The following IPP variants were observed in gnomAD, a reference collection of about 807,000 sequenced individuals.
IPP encodes the protein intracisternal A particle-promoted polypeptide, also known as actin-binding protein IPP.
IPP carries 41 observed loss-of-function variants against 64.1 expected under a neutral mutation model. The ratio of observed to expected loss-of-function variants is 0.64; its 90% CI spans 0.50 to 0.83. The LOEUF (loss-of-function observed/expected upper bound fraction) is 0.83, where lower values mean the gene tolerates loss of function less well. Among genes scored for constraint, IPP ranks in the 40% least tolerant of loss-of-function variants. IPP has a pLI of 0.00. For synonymous variants in IPP, 214 were observed against 235.2 expected (o/e 0.91, Z 0.83); for missense variants, 649 against 703.0 (o/e 0.92, Z 0.87).
chr1:45,727,884 A>C, intron 4 of IPP, 86 bp from the exon 5 acceptor site: 2 of 995,172 alleles, frequency 2.0e-6, no homozygotes, highest in Non-Finnish European at 2.8e-6. Flanking sequence ...CAAGAAATAA[A>C]TGGTTTAGAA....
Position 45,699,012 on chromosome 1 carries a change from C to G in IPP, c.*954G>C, listed in dbSNP as rs758446643. ...AAAGTGCTGGGATTACAGGTGTGAGCCACCATGCCCAGCCTAAAAAAGGGA... is the reference window on the plus strand; with the variant it reads ...AAAGTGCTGGGATTACAGGTGTGAGGCACCATGCCCAGCCTAAAAAAGGGA... On this transcript the variant is annotated 3_prime_UTR_variant, in exon 9 of 9. Coordinates refer to ENST00000396478, the MANE Select transcript of IPP (RefSeq NM_005897.3). 152 of 983,788 alleles carry G rather than the reference C, an allele frequency of 1.5e-4. No homozygotes were observed. Among genetic ancestry groups the G allele is most frequent in the Non-Finnish European group, 1.7e-4 (145 of 828,636 alleles). 60.9% of individuals were successfully genotyped at this position (983,788 alleles called of 1,614,324 possible).
At chr1:45,744,420 G>A (rs988870441) in intron 2 of IPP, among the ~76,000 whole-genome samples, 1 of 151,896 alleles carries the variant, frequency 6.6e-6, no homozygotes, top group African/African-American at 2.4e-5. Context: ...GTCTCACTCT[G>A]TCTCCCAGTC....
intron 2 of IPP, among the ~76,000 whole-genome samples, chr1:45,743,452 G>A (rs932654649): frequency 6.6e-5 from 10 of 151,840 alleles, no homozygotes; most frequent in Admixed American, 3.3e-4. Context: ...TAGCATGTGC[G>A]CCTGTAGTCT....
chr1:45,718,898 A>G (rs571731648), intron 6 of IPP, among the ~76,000 whole-genome samples: 34 of 150,828 alleles, frequency 2.3e-4, no homozygotes, highest in Non-Finnish European at 4.1e-4. Flanking sequence ...ATGGTTAATG[A>G]ATACAAAAAA....
chr1:45,730,307 G>A (rs1243158167), intron 3 of IPP, among the ~76,000 whole-genome samples: 1 of 151,692 alleles, frequency 6.6e-6, no homozygotes, highest in African/African-American at 2.4e-5. Flanking sequence ...AAGCAGGATT[G>A]CACCACTGCA....
rs1453435459 is a variant in IPP at position 45,729,770 on chromosome 1, C to G, written c.725-1G>C. ...ACACGAAGATTAAAATCGGATACTC[C>G]TAAAACAATATTTAAAAAGACAATG... On this transcript the variant is annotated splice_acceptor_variant, in intron 3 of 8. Transcript: ENST00000396478. LOFTEE classifies it high-confidence loss of function. The G allele has an allele frequency of 7.9e-6, 12 of 1,514,226 alleles. No homozygotes were observed. Among genetic ancestry groups the G allele is most frequent in the Non-Finnish European group, 9.8e-6 (11 of 1,121,766 alleles). The allele number at this position is 1,514,226 out of a possible 1,614,324, so 93.8% of individuals were successfully genotyped here.
chr1:45,715,180 G>A (rs1250139604), intron 7 of IPP, among the ~76,000 whole-genome samples: 2 of 125,556 alleles, frequency 1.6e-5, no homozygotes, highest in African/African-American at 6.3e-5. Flanking sequence ...GGGCAACAGA[G>A]CCAGACCTTC....
At chr1:45,732,401 C>T (rs1645922812) in intron 3 of IPP, among the ~76,000 whole-genome samples, 2 of 145,234 alleles carry the variant, frequency 1.4e-5, no homozygotes. Context: ...AATGTAGGTC[C>T]TGCAAAACAA....
At position 45,719,146 on chromosome 1, in the gene IPP, GA is replaced by G. The variant is rs553599817; in HGVS notation, c.1186+56del. The G allele has an allele frequency of 3.8e-5, 59 of 1,560,352 alleles. No individual in the cohort carries two copies. The East Asian group carries it at 1.3e-3, about 35-fold the overall frequency. On this transcript the variant is annotated intron_variant, in intron 6 of 8. Coordinates refer to ENST00000396478, the MANE Select transcript of IPP (RefSeq NM_005897.3). Reference sequence around the variant, plus strand: ...ATACCTATTATGTATCCACAAAAATGAAAATTAAAAATACATAAACAATATT... The same window carrying G: ...ATACCTATTATGTATCCACAAAAATGAAATTAAAAATACATAAACAATATT...
chr1:45,707,378 G>A (rs1394622430), intron 8 of IPP, among the ~76,000 whole-genome samples: 8 of 142,470 alleles, frequency 5.6e-5, no homozygotes, highest in Admixed American at 1.5e-4. Flanking sequence ...AGCCAAGATC[G>A]CGCCACTGCA....
chr1:45,738,172 TCA>T (rs1646005401), intron 3 of IPP, among the ~76,000 whole-genome samples: 1 of 152,210 alleles, frequency 6.6e-6, no homozygotes, highest in South Asian at 2.1e-4. Context: ...TTGCAGTCAT[TCA>T]CAGACATGCA....
chr1:45,709,670 C>T (rs924530425), intron 8 of IPP, among the ~76,000 whole-genome samples: 3 of 130,606 alleles, frequency 2.3e-5, no homozygotes, highest in Non-Finnish European at 5.0e-5. Context: ...ACTAAAAATA[C>T]AAAAAAATTA....
At chr1:45,724,987 C>T (rs1276120165) in intron 5 of IPP, among the ~76,000 whole-genome samples, 1 of 142,612 alleles carries the variant, frequency 7.0e-6, no homozygotes, top group Non-Finnish European at 1.5e-5. Flanking sequence ...CCCCTCTGCC[C>T]GGCCAGTCGC....
rs772144040 is a variant in IPP at position 45,727,770 on chromosome 1, G to C, written c.909C>G (p.Arg303=). 7 of 1,569,766 alleles carry C rather than the reference G, an allele frequency of 4.5e-6. No individual in the cohort carries two copies. In the Admixed American group the frequency reaches 6.7e-5, roughly 15 times the overall value. The change falls in exon 5 of 9, where the codon CGC becomes CGG. Residue 303 remains arginine, a synonymous_variant. Transcript: ENST00000396478. The part of the protein sequence containing the change: ...VGGYTRLQGG[R]WSDSRALSCV... ...AGCTGAGGGCTCTGCTATCACTCCA[G>C]CGACCCCCCTGCAACCGAGTATATC...
In IPP at chr1:45,712,982, A is replaced by G. The variant is rs1645611000; in HGVS notation, c.1530+1264T>C. Among the ~76,000 whole-genome samples the G allele has an allele frequency of 2.0e-5, 3 of 151,960 alleles. No homozygotes were observed. In the South Asian group the frequency reaches 6.2e-4, roughly 32 times the overall value. ...TAAAAAATATTTTAATATAAATGCC[A>G]ACTAATTAAAAGGCAACATATCAAA... On this transcript the variant is annotated intron_variant, in intron 8 of 8. Transcript: ENST00000396478.
chr1:45,695,673 A>T (rs1557733740), downstream of IPP, among the ~76,000 whole-genome samples: 2 of 144,436 alleles, frequency 1.4e-5, no homozygotes, highest in Non-Finnish European at 3.1e-5. Context: ...ATAACCTGGA[A>T]TTTTTTTTTT....
At chr1:45,719,555 T>C (rs1645704169) in intron 5 of IPP, among the ~76,000 whole-genome samples, 1 of 152,168 alleles carries the variant, frequency 6.6e-6, no homozygotes, top group Non-Finnish European at 1.5e-5. Flanking sequence ...GAGGCACAAT[T>C]TTCCTATTAT....
intron 7 of IPP, among the ~76,000 whole-genome samples, chr1:45,715,310 C>A (rs1042119000): frequency 2.6e-5 from 4 of 151,856 alleles, no homozygotes; most frequent in African/African-American, 9.7e-5. Flanking sequence ...TGTACTTCAT[C>A]TTCTAAAGTG....
intron 5 of IPP, among the ~76,000 whole-genome samples, chr1:45,720,300 C>A (rs1645715326): frequency 1.3e-5 from 2 of 151,860 alleles, no homozygotes; most frequent in Admixed American, 1.3e-4. Flanking sequence ...TATGCAATGC[C>A]CCTATGGATA....
Sources: gnomAD v4.1 joint callset for allele counts (sites outside exome capture counted in the v4.1 genomes callset) on GRCh38, gnomAD v4.1.1 for gene constraint, MANE v1.5 for transcripts, NCBI Gene and HGNC (gene_info 2026-07-23, HGNC 2026-07-21) for gene names.